NAT2: variants seen among roughly 807,000 people sequenced by gnomAD.
The protein encoded by NAT2 is arylamine N-acetyltransferase 2.
For synonymous variants in NAT2, 137 were observed against 125.9 expected (o/e 1.09, Z -0.59); for missense variants, 428 against 339.1 (o/e 1.26, Z -2.06).
chr8:18,390,724 C>CAATT (rs35436619), upstream of NAT2, among the ~76,000 whole-genome samples: 68,429 of 151,408 alleles, frequency 0.45, 16,229 homozygotes, highest in Middle Eastern at 0.59. Context: ...ATGTTAATGT[C>CAATT]AAAAAAGCAG....
chr8:18,394,965 T>C (rs1372594832), intron 1 of NAT2, among the ~76,000 whole-genome samples: 1 of 152,164 alleles, frequency 6.6e-6, no homozygotes, highest in Non-Finnish European at 1.5e-5. Flanking sequence ...GAGTATACTT[T>C]ACACAAATAT....
Position 18,400,324 on chromosome 8 carries a change from C to A in NAT2, c.321C>A (p.His107Gln), listed in dbSNP as rs549917500. ...ACAAATACAGCACTGGCATGGTTCA[C>A]CTTCTCCTGCAGGTGACCATTGACG... ...PVNKYSTGMV[H>Q]LLLQVTIDGR... The change falls in exon 2 of 2, where the codon CAC becomes CAA. Residue 107 changes from histidine to glutamine, a missense_variant. By Grantham distance (24) the His-to-Gln change is conservative. Transcript: ENST00000286479. 2 of 1,613,766 alleles carry A rather than the reference C, an allele frequency of 1.2e-6. No homozygotes were observed. The highest frequency in any genetic ancestry group is 1.1e-5 in the South Asian group (1 of 91,042).
At chr8:18,399,064 A>C (rs766830774) in intron 1 of NAT2, among the ~76,000 whole-genome samples, 3 of 152,182 alleles carry the variant, frequency 2.0e-5, no homozygotes, top group Non-Finnish European at 4.4e-5. Context: ...GGCCACTGTT[A>C]GTTGTCAGAT....
chr8:18,397,954 T>G (rs978069767), intron 1 of NAT2, among the ~76,000 whole-genome samples: 1 of 152,226 alleles, frequency 6.6e-6, no homozygotes, highest in African/African-American at 2.4e-5. Context: ...CAATGTTTTC[T>G]TCCATTATCA....
upstream of NAT2, among the ~76,000 whole-genome samples, chr8:18,390,910 G>T (rs1800582844): frequency 6.6e-6 from 1 of 152,098 alleles, no homozygotes; most frequent in South Asian, 2.1e-4. Context: ...TAAACTGAGA[G>T]TATGACTAAA....
intron 1 of NAT2, among the ~76,000 whole-genome samples, chr8:18,396,612 T>A (rs1800696765): frequency 6.6e-6 from 1 of 152,154 alleles, no homozygotes; most frequent in South Asian, 2.1e-4. Flanking sequence ...GTCAGGATGG[T>A]CTCGAACCCC....
chr8:18,394,693 T>C (rs1176831340), intron 1 of NAT2, among the ~76,000 whole-genome samples: 3 of 152,150 alleles, frequency 2.0e-5, no homozygotes, highest in Non-Finnish European at 2.9e-5. Context: ...AGGAACTGCA[T>C]AGACAAGCTG....
intron 1 of NAT2, among the ~76,000 whole-genome samples, chr8:18,399,170 A>T (rs1800746460): frequency 6.6e-6 from 1 of 152,140 alleles, no homozygotes; most frequent in Non-Finnish European, 1.5e-5. Context: ...CCAGCTAAGG[A>T]TCCTGGTACT....
upstream of NAT2, among the ~76,000 whole-genome samples, chr8:18,386,786 G>A (rs1800512034): frequency 1.3e-5 from 2 of 152,190 alleles, no homozygotes; most frequent in South Asian, 4.2e-4. Flanking sequence ...AGGCCTCACA[G>A]AGAAGACTGG....
chr8:18,393,636 G>A (rs1444856504), intron 1 of NAT2, among the ~76,000 whole-genome samples: 2 of 152,162 alleles, frequency 1.3e-5, no homozygotes, highest in African/African-American at 4.8e-5. Flanking sequence ...CCTCACATCA[G>A]CAGATATGCA....
At chr8:18,397,005 A>G (rs1020874813) in intron 1 of NAT2, among the ~76,000 whole-genome samples, 3 of 152,212 alleles carry the variant, frequency 2.0e-5, no homozygotes, top group Non-Finnish European at 4.4e-5. Flanking sequence ...TTTGGATTAA[A>G]GAACAGCTAC....
In NAT2 at chr8:18,400,896, C is replaced by G; in HGVS notation, c.*20C>G. On this transcript the variant is annotated 3_prime_UTR_variant, in exon 2 of 2. Coordinates refer to ENST00000286479, the MANE Select transcript of NAT2 (RefSeq NM_000015.3). ...ATTTAGAATAAGGAACAAAATAAAC[C>G]CTTGTGTATGTATCACCCAACTCAC... 1 of 1,540,348 alleles carries G rather than the reference C, an allele frequency of 6.5e-7. No individual in the cohort carries two copies. Among genetic ancestry groups the G allele is most frequent in the Non-Finnish European group, 8.7e-7 (1 of 1,146,700 alleles).
intron 1 of NAT2, among the ~76,000 whole-genome samples, chr8:18,393,418 G>A (rs908554489): frequency 1.3e-5 from 2 of 152,058 alleles, no homozygotes; most frequent in African/African-American, 4.8e-5. Flanking sequence ...GCCTTTAGAC[G>A]TAATGTAGGC....
Position 18,401,017 on chromosome 8 carries a change from C to A in NAT2, c.*141C>A. On this transcript the variant is annotated 3_prime_UTR_variant, in exon 2 of 2. Coordinates refer to ENST00000286479, the MANE Select transcript of NAT2 (RefSeq NM_000015.3). ...CAAATACTTTCATCCATAAAAATGT[C>A]AGCATTTATTAAAAAACAATAACTT... 1.8e-6 allele frequency: 1 copy of A among 541,684 alleles called. No individual in the cohort carries two copies. Among genetic ancestry groups the A allele is most frequent in the Non-Finnish European group, 3.0e-6 (1 of 329,894 alleles). The allele number at this position is 541,684 out of a possible 1,614,324, so 33.6% of individuals were successfully genotyped here.
chr8:18,388,504 C>CAAAAAAAAAA (rs11390514), upstream of NAT2, among the ~76,000 whole-genome samples: 7 of 78,462 alleles, frequency 8.9e-5, no homozygotes, highest in Admixed American at 3.1e-4. Context: ...AGATAATAAG[C>CAAAAAAAAAA]AAAAAAAAAA....
upstream of NAT2, among the ~76,000 whole-genome samples, chr8:18,389,946 T>A (rs1299203698): frequency 3.3e-5 from 5 of 152,198 alleles, no homozygotes; most frequent in Admixed American, 1.3e-4. Context: ...AGTATAACAG[T>A]GAACCCAAGA....
chr8:18,399,915 A>G, intron 1 of NAT2, 83 bp from the exon 2 acceptor site: 1 of 1,408,572 alleles, frequency 7.1e-7, no homozygotes, highest in Non-Finnish European at 9.6e-7. Flanking sequence ...CGTATTTAAA[A>G]TACGTTATAC....
chr8:18,399,015 C>T (rs1203249047), intron 1 of NAT2, among the ~76,000 whole-genome samples: 3 of 152,152 alleles, frequency 2.0e-5, no homozygotes, highest in Admixed American at 6.5e-5. Flanking sequence ...TTTCTCATCT[C>T]GTTTAGAATA....
At chr8:18,387,152 G>T (rs10095072), upstream of NAT2, 42,190 of 152,356 alleles carry the variant, frequency 0.28, 6,700 homozygotes, top group East Asian at 0.51. Context: ...GTCCCCTTGC[G>T]GGCCCAGTGC....
Sources: allele counts gnomAD v4.1 joint callset (sites outside exome capture counted in the v4.1 genomes callset), GRCh38; gene constraint gnomAD v4.1.1; transcripts MANE v1.5; gene names NCBI Gene and HGNC (gene_info 2026-07-23, HGNC 2026-07-21).